The following HEY2 variants were observed in gnomAD, a reference collection of about 807,000 sequenced individuals.
The protein encoded by HEY2 is hes related family bHLH transcription factor with YRPW motif 2, also known as hairy/enhancer-of-split related with YRPW motif protein 2.
HEY2 carries 10 observed loss-of-function variants against 18.1 expected under a neutral mutation model. The ratio of observed to expected loss-of-function variants is 0.55; its 90% confidence interval spans 0.34 to 0.94. The LOEUF (loss-of-function observed/expected upper bound fraction) is 0.94. Ranked by LOEUF, HEY2 falls within the 40% of genes least tolerant of loss-of-function variation. The pLI is 0.02. For synonymous variants in HEY2, 210 were observed against 182.7 expected, an observed-to-expected ratio of 1.15 and a Z score of -1.21; for missense variants, 455 against 455.9, an observed-to-expected ratio of 1.00 and a Z score of 0.02.
At chr6:125,752,553 A>T (rs1217528263) in intron 3 of HEY2, among the ~76,000 whole-genome samples, 4 of 152,090 alleles carry the variant, frequency 2.6e-5, no homozygotes, top group Non-Finnish European at 5.9e-5. Flanking sequence ...ATACCACTAA[A>T]ATTTATTTAC....
At chr6:125,754,297 G>A (rs138974083) in intron 3 of HEY2, among the ~76,000 whole-genome samples, 168 bp from the exon 4 acceptor site, 1 of 152,272 alleles carries the variant, frequency 6.6e-6, no homozygotes, top group African/African-American at 2.4e-5. Context: ...ATTAATTAGT[G>A]CTTTCATGTA....
rs1426032517 is a variant in HEY2, at chr6:125,759,527, G to GC, written c.744dup (p.Cys249LeufsTer77). The GC allele has an allele frequency of 1.2e-6, 2 of 1,610,770 alleles. No individual in the cohort carries two copies. On this transcript the variant is annotated frameshift_variant, in exon 5 of 5. Coordinates refer to ENST00000368364, the MANE Select transcript of HEY2 (RefSeq NM_012259.3). LOFTEE classifies it low-confidence loss of function (END_TRUNC). ...CCGAATGCCATCCACGGGCAGCGTC[G>GC]CCCCCTGCGTGCCACCTCTCTCCAC...
Position 125,749,857 on chromosome 6 carries a change from G to A in HEY2, c.81G>A (p.Ser27=), listed in dbSNP as rs1315656794. ...ACGTGGGGAGCGAGAACAATTACTCGGGGTGAGCGCGGGCTCCGCGGGAGC... is the reference window on the plus strand; with the variant it reads ...ACGTGGGGAGCGAGAACAATTACTCAGGGTGAGCGCGGGCTCCGCGGGAGC... ...TIDVGSENNY[S]GQSTSSVIRL... is the part of the protein sequence containing the mutation. The change falls in exon 1 of 5, where the codon TCG becomes TCA. Residue 27 remains serine, a splice_region_variant and synonymous_variant. Coordinates refer to ENST00000368364, the MANE Select transcript of HEY2 (RefSeq NM_012259.3). 6.4e-7 allele frequency: 1 copy of A among 1,571,278 alleles called. No homozygotes were observed. Among genetic ancestry groups the A allele is most frequent in the Non-Finnish European group, 8.6e-7 (1 of 1,158,794 alleles).
At position 125,758,720 on chromosome 6, in the gene HEY2, TG is replaced by T. The variant is rs3839543; in HGVS notation, c.329-395del. On this transcript the variant is annotated intron_variant, in intron 4 of 4. Coordinates refer to ENST00000368364, the MANE Select transcript of HEY2 (RefSeq NM_012259.3). ...ACTCATGTGACAGAGACAGAGAGAC[TG>T]GAACTCTGTATTTCCATGAAAAAGT... 5.2e-4 allele frequency among the ~76,000 whole-genome samples: 79 copies of T among 152,330 alleles called. 1 individual carries two copies. The East Asian group carries it at 0.014, about 28-fold the overall frequency.
At chr6:125,753,309 T>G (rs1369625690) in intron 3 of HEY2, among the ~76,000 whole-genome samples, 1 of 150,874 alleles carries the variant, frequency 6.6e-6, no homozygotes, top group African/African-American at 2.4e-5. Flanking sequence ...GTTTGTTAGA[T>G]TTTTTTTTTC....
chr6:125,754,327 A>C (rs1184165964), intron 3 of HEY2, 138 bp from the exon 4 acceptor site: 2 of 437,794 alleles, frequency 4.6e-6, no homozygotes, highest in Non-Finnish European at 8.1e-6. Context: ...AAGAATTCGA[A>C]GTTTTCTGTG....
intron 3 of HEY2, among the ~76,000 whole-genome samples, chr6:125,752,757 CTTTTGTGG>C (rs1458179170): frequency 3.9e-5 from 6 of 152,166 alleles, no homozygotes; most frequent in Non-Finnish European, 4.4e-5. Flanking sequence ...ATGTTTAAAT[CTTTTGTGG>C]TTTTAGAAGT....
intron 1 of HEY2, 80 bp downstream of exon 1, chr6:125,749,939 C>G: frequency 2.5e-6 from 3 of 1,177,630 alleles, no homozygotes; most frequent in Admixed American, 2.0e-5. Flanking sequence ...CCTGGAAATC[C>G]CGAGGCTGGT....
rs1562712938 is a variant in HEY2 at position 125,759,527 on chromosome 6, G to A, written c.739G>A (p.Ala247Thr). 6.8e-6 allele frequency: 11 copies of A among 1,610,770 alleles called. No individual in the cohort carries two copies. The highest frequency in any genetic ancestry group is 8.5e-6 in the Non-Finnish European group (10 of 1,179,924). Residue 247 changes from alanine (A) to threonine (T), a missense_variant, in exon 5 of 5, where the codon GCC (alanine) becomes ACC (threonine). Coordinates refer to ENST00000368364, the MANE Select transcript of HEY2 (RefSeq NM_012259.3). ...CCGAATGCCATCCACGGGCAGCGTC[G>A]CCCCCTGCGTGCCACCTCTCTCCAC... is the stretch of plus-strand genomic sequence containing the variant. ...ALRMPSTGSVAPCVPPLSTSL... is the reference protein window; with the variant it reads ...ALRMPSTGSVTPCVPPLSTSL...
intron 4 of HEY2, among the ~76,000 whole-genome samples, chr6:125,755,789 G>T (rs1482442228): frequency 2.0e-5 from 3 of 152,164 alleles, no homozygotes; most frequent in Non-Finnish European, 4.4e-5. Context: ...AAGATAACTG[G>T]ATTAAATCAC....
Position 125,752,002 on chromosome 6 carries a change from G to A in HEY2, c.163-5G>A. On this transcript the variant is annotated splice_polypyrimidine_tract_variant and splice_region_variant and intron_variant, in intron 2 of 4. Transcript: ENST00000368364. Reference sequence around the variant, plus strand: ...AAACTTTTGTTGTTTGCTTCTTTTGGATAGATTATAGAGAAAAGGCGTCGG... The same window carrying A: ...AAACTTTTGTTGTTTGCTTCTTTTGAATAGATTATAGAGAAAAGGCGTCGG... 6.2e-7 allele frequency: 1 copy of A among 1,612,034 alleles called. No individual in the cohort carries two copies. The highest frequency in any genetic ancestry group is 8.5e-7 in the Non-Finnish European group (1 of 1,178,406).
rs773734737 is a variant in HEY2, at chr6:125,751,995, T to G, written c.163-12T>G. The stretch of plus-strand genomic sequence containing the variant: ...AATTCATAAACTTTTGTTGTTTGCT[T>G]CTTTTGGATAGATTATAGAGAAAAG... On this transcript the variant is annotated splice_polypyrimidine_tract_variant and intron_variant, in intron 2 of 4. Coordinates refer to ENST00000368364, the MANE Select transcript of HEY2 (RefSeq NM_012259.3). The G allele has an allele frequency of 3.1e-6, 5 of 1,611,098 alleles. No homozygotes were observed. Among genetic ancestry groups the G allele is most frequent in the Non-Finnish European group, 4.2e-6 (5 of 1,177,498 alleles).
chr6:125,751,610 C>T (rs572960766), intron 1 of HEY2, among the ~76,000 whole-genome samples, 191 bp from the exon 2 acceptor site: 1 of 152,072 alleles, frequency 6.6e-6, no homozygotes, highest in East Asian at 1.9e-4. Flanking sequence ...CAAATTAAGG[C>T]GTAATTTTTA....
rs1160855397 is a variant in HEY2 at position 125,754,565 on chromosome 6, T to A, written c.328+19T>A. On this transcript the variant is annotated intron_variant, in intron 4 of 4. Coordinates refer to ENST00000368364, the MANE Select transcript of HEY2 (RefSeq NM_012259.3). ...GGTAAAGGTAAGTAGATGACTTCAT[T>A]TTTTTTTTTTTTTGCCTTTTTTACC... 9 of 323,594 alleles carry A rather than the reference T, an allele frequency of 2.8e-5. No individual in the cohort carries two copies. Among genetic ancestry groups the A allele is most frequent in the Non-Finnish European group, 2.8e-5 (7 of 248,394 alleles). The allele number at this position is 323,594 out of a possible 1,614,324, so 20.0% of individuals were successfully genotyped here. A position where few individuals can be genotyped will look rare whatever the true frequency, so the allele number is the denominator to read the frequency against.
chr6:125,750,130 C>G (rs1773512052), intron 1 of HEY2: 3 of 479,992 alleles, frequency 6.3e-6, no homozygotes, highest in Non-Finnish European at 8.2e-6. Flanking sequence ...AGGGTCCTGG[C>G]TGTCACAGTT....
Position 125,754,541 on chromosome 6 carries a change from G to C in HEY2, c.323G>C (p.Gly108Ala), listed in dbSNP as rs1319799170. The C allele has an allele frequency of 1.9e-6, 3 of 1,567,106 alleles. No individual in the cohort carries two copies. The highest frequency in any genetic ancestry group is 1.8e-5 in the Admixed American group (1 of 54,910). Residue 108 changes from glycine to alanine, a missense_variant, in exon 4 of 5, where the codon GGT becomes GCT. Coordinates refer to ENST00000368364, the MANE Select transcript of HEY2 (RefSeq NM_012259.3). The part of the protein sequence containing the change: ...DHLKMLQATG[G>A]KGYFDAHALA... The stretch of plus-strand genomic sequence containing the variant: ...TTGAAGATGCTTCAGGCAACAGGGG[G>C]TAAAGGTAAGTAGATGACTTCATTT...
chr6:125,757,869 A>T (rs1773694872), intron 4 of HEY2, among the ~76,000 whole-genome samples: 1 of 152,174 alleles, frequency 6.6e-6, no homozygotes, highest in South Asian at 2.1e-4. Flanking sequence ...AAGATCACTT[A>T]ACCCCAGGAG....
rs1177812328 is a variant in HEY2, at chr6:125,759,399, C to T, written c.611C>T (p.Ala204Val). The T allele has an allele frequency of 1.2e-6, 2 of 1,610,222 alleles. No homozygotes were observed. Among genetic ancestry groups the T allele is most frequent in the Admixed American group, 1.7e-5 (1 of 59,988 alleles). Reference sequence around the variant, plus strand: ...CTGCTCCAGCCCAACGGCCTCCATGCCTCAGAGTCAACCCCTTGTCGCCTC... The same window carrying T: ...CTGCTCCAGCCCAACGGCCTCCATGTCTCAGAGTCAACCCCTTGTCGCCTC... ...AALLQPNGLH[A>V]SESTPCRLST... Residue 204 changes from alanine (A) to valine (V), a missense_variant, in exon 5 of 5, where the codon GCC becomes GTC. Ala to Val is a moderately conservative substitution (Grantham distance 64). Coordinates refer to ENST00000368364, the MANE Select transcript of HEY2 (RefSeq NM_012259.3).
intron 3 of HEY2, among the ~76,000 whole-genome samples, chr6:125,752,441 A>AAC (rs1562705887): frequency 6.6e-6 from 1 of 151,670 alleles, no homozygotes; most frequent in Non-Finnish European, 1.5e-5. Flanking sequence ...AAAAAAAAAA[A>AAC]AACCATTTTT....
Sources: gnomAD v4.1 joint callset for allele counts (sites outside exome capture counted in the v4.1 genomes callset) on GRCh38, gnomAD v4.1.1 for gene constraint, MANE v1.5 for transcripts, NCBI Gene and HGNC (gene_info 2026-07-23, HGNC 2026-07-21) for gene names.